HMCN1: variants seen among roughly 807,000 people sequenced by gnomAD.
The protein encoded by HMCN1 is hemicentin 1.
HMCN1 carries 321 observed loss-of-function variants against 625.9 expected under a neutral mutation model. The ratio of observed to expected loss-of-function variants is 0.51; its 90% CI spans 0.47 to 0.56. The LOEUF (loss-of-function observed/expected upper bound fraction) is 0.56, where lower values mean the gene tolerates loss of function less well. Ranked by LOEUF, HMCN1 falls within the 20% of genes least tolerant of loss-of-function variation. HMCN1 has a pLI of 0.00. For missense variants in HMCN1, 6,588 were observed against 6,887.3 expected, an observed-to-expected ratio of 0.96 and a Z score of 1.54; for synonymous variants, 2,425 against 2,417.6, an observed-to-expected ratio of 1.00 and a Z score of -0.09.
intron 4 of HMCN1, among the ~76,000 whole-genome samples, chr1:185,898,120 G>T (rs1665587520): frequency 6.6e-6 from 1 of 152,140 alleles, no homozygotes. Flanking sequence ...GGAAAGTGGT[G>T]GACCTCCCCC....
In HMCN1 at chr1:185,989,477, G is replaced by T; in HGVS notation, c.3049-11G>T. Reference sequence around the variant, plus strand: ...AACAAAAAACCCTTTGCTTTTCGCCGTGTTTTGCAGAAAGGAGAGCTGATT... The same window carrying T: ...AACAAAAAACCCTTTGCTTTTCGCCTTGTTTTGCAGAAAGGAGAGCTGATT... On this transcript the variant is annotated splice_polypyrimidine_tract_variant and intron_variant, in intron 20 of 106. Transcript: ENST00000271588. 6.2e-7 allele frequency: 1 copy of T among 1,613,538 alleles called. No individual in the cohort carries two copies. The highest frequency in any genetic ancestry group is 8.5e-7 in the Non-Finnish European group (1 of 1,179,864).
At chr1:185,914,922 A>C (rs1445123048) in intron 6 of HMCN1, among the ~76,000 whole-genome samples, 2 of 152,068 alleles carry the variant, frequency 1.3e-5, no homozygotes, top group Non-Finnish European at 2.9e-5. Context: ...AATAAAAATT[A>C]ATACATTTAT....
intron 4 of HMCN1, among the ~76,000 whole-genome samples, chr1:185,887,444 C>T (rs1475714171): frequency 6.6e-6 from 1 of 150,786 alleles, no homozygotes; most frequent in Non-Finnish European, 1.5e-5. Flanking sequence ...TCTCCCAATG[C>T]TATCCCTCCC....
chr1:185,778,002 G>T (rs561400373), intron 1 of HMCN1, among the ~76,000 whole-genome samples: 1 of 152,150 alleles, frequency 6.6e-6, no homozygotes, highest in African/African-American at 2.4e-5. Context: ...TAATCTGTTT[G>T]CCTAAAGGCC....
intron 76 of HMCN1, 31 bp downstream of exon 76, chr1:186,117,146 A>C: frequency 6.2e-7 from 1 of 1,611,974 alleles, no homozygotes; most frequent in Non-Finnish European, 8.5e-7. Flanking sequence ...GGATTGAAAC[A>C]TGATAATGCT....
intron 14 of HMCN1, among the ~76,000 whole-genome samples, chr1:185,968,764 C>G (rs148471282): frequency 1.5e-3 from 228 of 152,034 alleles, no homozygotes; most frequent in African/African-American, 5.3e-3. Flanking sequence ...ATATATTTTA[C>G]TATGTATAAC....
intron 49 of HMCN1, among the ~76,000 whole-genome samples, chr1:186,067,628 G>T (rs1334698914): frequency 6.6e-6 from 1 of 151,736 alleles, no homozygotes; most frequent in Admixed American, 6.6e-5. Flanking sequence ...ATGTGTTATG[G>T]TTCCTTTTTA....
chr1:185,816,228 A>T (rs1044256387), intron 1 of HMCN1, among the ~76,000 whole-genome samples: 2 of 152,246 alleles, frequency 1.3e-5, no homozygotes, highest in Admixed American at 6.5e-5. Flanking sequence ...ACACAGATCC[A>T]TCAATCCATG....
intron 6 of HMCN1, among the ~76,000 whole-genome samples, chr1:185,914,307 T>A (rs1423066955): frequency 6.6e-6 from 1 of 152,116 alleles, no homozygotes; most frequent in Non-Finnish European, 1.5e-5. Context: ...TTTCTCAAGA[T>A]GAGAAATGTC....
chr1:186,011,319 C>T (rs968765085), intron 30 of HMCN1, among the ~76,000 whole-genome samples: 2 of 152,218 alleles, frequency 1.3e-5, no homozygotes, highest in African/African-American at 2.4e-5. Flanking sequence ...GCTGGGATTA[C>T]AGGCATGAGC....
chr1:185,943,911 T>C (rs1571594416), intron 11 of HMCN1, among the ~76,000 whole-genome samples: 2 of 152,256 alleles, frequency 1.3e-5, no homozygotes, highest in Admixed American at 6.5e-5. Context: ...ACTCAGGAGA[T>C]TCCAAGGGTT....
At chr1:186,099,537 A>C (rs149884779) in intron 68 of HMCN1, among the ~76,000 whole-genome samples, 1 of 152,244 alleles carries the variant, frequency 6.6e-6, no homozygotes, top group East Asian at 1.9e-4. Context: ...ATGCAAATGC[A>C]TCACTAAGAA....
intron 30 of HMCN1, 37 bp from the exon 31 acceptor site, chr1:186,015,122 C>T: frequency 6.3e-7 from 1 of 1,592,750 alleles, no homozygotes; most frequent in African/African-American, 1.3e-5. Flanking sequence ...GATGCTGAAA[C>T]TTAGATGACT....
At chr1:186,038,778 T>A (rs747324590) in intron 37 of HMCN1, 51 bp from the exon 38 acceptor site, 3 of 1,101,238 alleles carry the variant, frequency 2.7e-6, no homozygotes, top group South Asian at 2.5e-5. Flanking sequence ...ACTTAGTATA[T>A]TTAATTTAAA....
At chr1:185,951,397 T>C (rs1242831066) in intron 11 of HMCN1, among the ~76,000 whole-genome samples, 2 of 151,586 alleles carry the variant, frequency 1.3e-5, no homozygotes, top group Non-Finnish European at 2.9e-5. Context: ...ACAACAGTTA[T>C]GGAGGCAAGG....
At chr1:185,885,517 G>GTT (rs796078537) in intron 4 of HMCN1, among the ~76,000 whole-genome samples, 5 of 142,512 alleles carry the variant, frequency 3.5e-5, no homozygotes, top group African/African-American at 1.3e-4. Flanking sequence ...ATTTCCTGAC[G>GTT]TTTTTTTTTT....
chr1:185,993,135 T>A (rs1224105451), intron 22 of HMCN1, 47 bp from the exon 23 acceptor site: 1 of 1,587,434 alleles, frequency 6.3e-7, no homozygotes, highest in East Asian at 2.2e-5. Flanking sequence ...TAGGGGATAT[T>A]TAAATTCTCC....
chr1:185,771,086 T>C (rs1051576161), intron 1 of HMCN1, among the ~76,000 whole-genome samples: 14 of 152,210 alleles, frequency 9.2e-5, no homozygotes, highest in African/African-American at 2.9e-4. Flanking sequence ...ATTTTAGATA[T>C]AGGATTTAGC....
intron 31 of HMCN1, 24 bp downstream of exon 31, chr1:186,015,461 T>C (rs1039148854): frequency 1.9e-6 from 3 of 1,604,852 alleles, no homozygotes; most frequent in Middle Eastern, 1.6e-4. Flanking sequence ...TATGCTTTAA[T>C]TATATACCTT....
Sources: allele counts gnomAD v4.1 joint callset (sites outside exome capture counted in the v4.1 genomes callset), GRCh38; gene constraint gnomAD v4.1.1; transcripts MANE v1.5; gene names NCBI Gene and HGNC (gene_info 2026-07-23, HGNC 2026-07-21).